The following STAU1 variants were observed in gnomAD, a reference collection of about 807,000 sequenced individuals.
STAU1 encodes the protein staufen double-stranded RNA binding protein 1, also known as double-stranded RNA-binding protein Staufen homolog 1.
Under a neutral mutation model 62.9 loss-of-function variants are expected in STAU1, and 13 were observed. That is an observed-to-expected ratio of 0.21 (90% confidence interval 0.13 to 0.33). The LOEUF is 0.33. Ranked by LOEUF, STAU1 falls within the 10% of genes least tolerant of loss-of-function variation. The probability of loss-of-function intolerance (pLI) is 1.00; values close to 1 mark genes in which losing one functional copy is unlikely to be tolerated. For synonymous variants in STAU1, 269 were observed against 265.1 expected (o/e 1.01, Z -0.14); for missense variants, 571 against 712.1 (o/e 0.80, Z 2.25).
chr20:49,207,024 G>A, the STAU1 span, among the ~76,000 whole-genome samples: 2 of 151,756 alleles, frequency 1.3e-5, no homozygotes, highest in African/African-American at 4.8e-5. Context: ...CAAGTGCTGG[G>A]ATTACAGGCG....
chr20:49,141,163 CTTTTAT>C (rs1043927946), intron 5 of STAU1, among the ~76,000 whole-genome samples: 4 of 152,094 alleles, frequency 2.6e-5, no homozygotes, highest in African/African-American at 9.7e-5. Context: ...TTAGGTTTAA[CTTTTAT>C]TTTTATTTAC....
chr20:49,168,549 A>G (rs1334192192), intron 2 of STAU1, among the ~76,000 whole-genome samples: 2 of 152,206 alleles, frequency 1.3e-5, no homozygotes, highest in Admixed American at 6.5e-5. Flanking sequence ...AAAAAAGTTA[A>G]ACTCTCCAAA....
chr20:49,197,763 T>C, the STAU1 span, among the ~76,000 whole-genome samples: 1 of 152,026 alleles, frequency 6.6e-6, no homozygotes, highest in Non-Finnish European at 1.5e-5. Context: ...CCAGTCTGGA[T>C]AGCTTGATCT....
the STAU1 span, among the ~76,000 whole-genome samples, chr20:49,218,186 T>G: frequency 6.7e-6 from 1 of 148,672 alleles, no homozygotes; most frequent in Non-Finnish European, 1.5e-5. Context: ...GCAATATATA[T>G]TTTTTTAATT....
At chr20:49,160,506 G>A (rs1446237282) in intron 3 of STAU1, among the ~76,000 whole-genome samples, 1 of 152,124 alleles carries the variant, frequency 6.6e-6, no homozygotes, top group Non-Finnish European at 1.5e-5. Context: ...TCCTTAGATG[G>A]TTGGGAAAAA....
the STAU1 span, among the ~76,000 whole-genome samples, chr20:49,206,429 T>TG: frequency 7.1e-6 from 1 of 141,552 alleles, no homozygotes; most frequent in African/African-American, 2.7e-5. Flanking sequence ...TTTTTTTTTT[T>TG]TTTTTTTTTT....
In STAU1 at chr20:49,117,840, G is replaced by A; in HGVS notation, c.1446C>T (p.Pro482=). 6.2e-7 allele frequency: 1 copy of A among 1,614,140 alleles called. No individual in the cohort carries two copies. Among genetic ancestry groups the A allele is most frequent in the Non-Finnish European group, 8.5e-7 (1 of 1,180,022 alleles). ...CAGAGGGTCTCGTGAGAGGTCCATG[G>A]GGTACGTGGCCTGAAGAGATGTTAT... The part of the protein sequence containing the change: ...LKNNISSGHV[P]HGPLTRPSEQ... The change falls in exon 11 of 14, where the codon CCC becomes CCT. Residue 482 remains proline, a synonymous_variant. Coordinates refer to ENST00000371856, the MANE Select transcript of STAU1 (RefSeq NM_017453.4). This position sits in a 1 kb window ranked among gnomAD's most constrained non-coding sequence, Gnocchi z 4.6.
intron 5 of STAU1, among the ~76,000 whole-genome samples, chr20:49,138,326 TAA>T (rs1034754412): frequency 9.9e-5 from 15 of 152,136 alleles, no homozygotes; most frequent in African/African-American, 3.4e-4. Context: ...AACTCTAGGT[TAA>T]AAAAATATAT....
intron 1 of STAU1, among the ~76,000 whole-genome samples, chr20:49,182,524 T>C (rs1380867004): frequency 3.3e-5 from 5 of 152,176 alleles, no homozygotes; most frequent in Non-Finnish European, 2.9e-5. Flanking sequence ...TAATACTGTA[T>C]GGTAAAATGT....
chr20:49,163,119 G>A (rs1311608331), intron 3 of STAU1, among the ~76,000 whole-genome samples: 1 of 151,902 alleles, frequency 6.6e-6, no homozygotes, highest in African/African-American at 2.4e-5. Flanking sequence ...TTGAACCCGG[G>A]AGGAGGAAGT....
intron 6 of STAU1, among the ~76,000 whole-genome samples, chr20:49,134,216 G>A (rs1461294832): frequency 1.3e-5 from 2 of 152,018 alleles, no homozygotes; most frequent in Admixed American, 1.3e-4. Flanking sequence ...TGGATCACCT[G>A]AGGTTAGGAG....
the STAU1 span, among the ~76,000 whole-genome samples, chr20:49,211,430 G>A: frequency 6.6e-6 from 1 of 151,400 alleles, no homozygotes; most frequent in Admixed American, 6.6e-5. Context: ...GAGTGTAGTG[G>A]CTATTCATAG....
chr20:49,129,280 A>AATTT (rs1491390171), intron 6 of STAU1, among the ~76,000 whole-genome samples: 22 of 87,958 alleles, frequency 2.5e-4, no homozygotes, highest in African/African-American at 9.4e-4. Flanking sequence ...TTAAAAAAAA[A>AATTT]TTTTTTTTTT....
At chr20:49,125,451 A>G (rs2092586359) in intron 6 of STAU1, among the ~76,000 whole-genome samples, 1 of 149,752 alleles carries the variant, frequency 6.7e-6, no homozygotes, top group Non-Finnish European at 1.5e-5. Context: ...AACCCCTTGA[A>G]CCTGAGAGAC....
At chr20:49,218,349 C>T in the STAU1 span, among the ~76,000 whole-genome samples, 1 of 151,718 alleles carries the variant, frequency 6.6e-6, no homozygotes, top group Admixed American at 6.6e-5. Flanking sequence ...CTCAGCCTCC[C>T]GAGTAGCTGG....
intron 1 of STAU1, among the ~76,000 whole-genome samples, chr20:49,183,840 A>G (rs1600902765): frequency 1.3e-5 from 2 of 152,206 alleles, no homozygotes; most frequent in African/African-American, 4.8e-5. Flanking sequence ...GTTCTAGGGC[A>G]TATTTCTCAT....
At chr20:49,219,261 G>A in the STAU1 span, 1 of 1,319,432 alleles carries the variant, frequency 7.6e-7, no homozygotes, top group Non-Finnish European at 1.0e-6. Flanking sequence ...CCTTGATGGC[G>A]TCACACGAAA....
chr20:49,214,179 T>G, the STAU1 span, among the ~76,000 whole-genome samples: 1 of 151,684 alleles, frequency 6.6e-6, no homozygotes, highest in Non-Finnish European at 1.5e-5. Context: ...GCCACTGCAT[T>G]CCAGCCTGGG....
At chr20:49,166,318 T>A in intron 2 of STAU1, 33 bp from the exon 3 acceptor site, 1 of 879,882 alleles carries the variant, frequency 1.1e-6, no homozygotes. Flanking sequence ...AATAAAAAGG[T>A]AAATTATAGA....
Sources: allele counts gnomAD v4.1 joint callset (sites outside exome capture counted in the v4.1 genomes callset), GRCh38; gene constraint gnomAD v4.1.1; non-coding constraint Gnocchi (gnomAD v3.1); transcripts MANE v1.5; gene names NCBI Gene and HGNC (gene_info 2026-07-23, HGNC 2026-07-21).